The following MYRIP variants were observed in gnomAD, a reference collection of about 807,000 sequenced individuals.
The protein encoded by MYRIP is myosin VIIA and Rab interacting protein.
A neutral mutation model predicts 98.0 loss-of-function variants in MYRIP; 49 were observed. The ratio of observed to expected loss-of-function variants is 0.50; its 90% CI spans 0.40 to 0.63. The LOEUF (loss-of-function observed/expected upper bound fraction) is 0.63. Ranked by LOEUF, MYRIP falls within the 30% of genes least tolerant of loss-of-function variation. MYRIP has a pLI of 0.00. For synonymous variants in MYRIP, 404 were observed against 409.5 expected (o/e 0.99, Z 0.16); for missense variants, 1,004 against 1,058.2 (o/e 0.95, Z 0.71).
chr3:40,139,357 T>C (rs377740524), intron 3 of MYRIP, among the ~76,000 whole-genome samples: 6 of 152,324 alleles, frequency 3.9e-5, no homozygotes, highest in African/African-American at 1.4e-4. Flanking sequence ...ACAGTCAAGA[T>C]ACAGAACATT....
rs1461159626 is a variant in MYRIP at position 40,259,579 on chromosome 3, A to AT, written c.*1413_*1414insT. On this transcript the variant is annotated 3_prime_UTR_variant, in exon 17 of 17. Transcript: ENST00000302541. ...AATTATGATTGGAATGCATCACAAA[A>AT]GCCTAACTCTGTTGTTTTCAACCTC... is the stretch of plus-strand genomic sequence containing the variant. The AT allele has an allele frequency of 6.6e-6, 1 of 152,192 alleles. No individual in the cohort carries two copies. The highest frequency in any genetic ancestry group is 2.4e-5 in the African/African-American group (1 of 41,454). The allele number at this position is 152,192 out of a possible 1,614,324, so 9.4% of individuals were successfully genotyped here. A position where few individuals can be genotyped will look rare whatever the true frequency, so the allele number is the denominator to read the frequency against.
chr3:40,098,740 T>TTGTATGTGTGTG (rs1948880276), intron 3 of MYRIP, among the ~76,000 whole-genome samples: 1 of 135,188 alleles, frequency 7.4e-6, no homozygotes, highest in South Asian at 2.5e-4. Flanking sequence ...GTCTCTCTCA[T>TTGTATGTGTGTG]TGTGTGTGTG....
chr3:40,230,899 C>T (rs1325320418), intron 11 of MYRIP, among the ~76,000 whole-genome samples: 1 of 151,280 alleles, frequency 6.6e-6, no homozygotes, highest in Non-Finnish European at 1.5e-5. Flanking sequence ...GGTCTCAGCT[C>T]ACTGCAACCT....
intron 3 of MYRIP, among the ~76,000 whole-genome samples, chr3:40,109,539 A>G (rs944400120): frequency 4.6e-5 from 7 of 152,202 alleles, no homozygotes; most frequent in Non-Finnish European, 1.0e-4. Context: ...AATCCCAGCT[A>G]CTTGGGAGGC....
intron 10 of MYRIP, among the ~76,000 whole-genome samples, chr3:40,203,613 G>A (rs2125650603): frequency 6.9e-6 from 1 of 144,090 alleles, no homozygotes; most frequent in South Asian, 2.1e-4. Flanking sequence ...TTAAAGATAT[G>A]ACTTTCTGTT....
At chr3:39,997,554 C>A (rs773123772) in intron 2 of MYRIP, among the ~76,000 whole-genome samples, 1 of 152,054 alleles carries the variant, frequency 6.6e-6, no homozygotes, top group Non-Finnish European at 1.5e-5. Context: ...AGCTTACCAA[C>A]CAAAAAAAGT....
intron 2 of MYRIP, among the ~76,000 whole-genome samples, chr3:39,950,944 G>A (rs191640141): frequency 7.3e-4 from 111 of 152,186 alleles, no homozygotes; most frequent in African/African-American, 2.4e-3. Flanking sequence ...TTCAGGTTTA[G>A]TGCTCTTTGC....
chr3:40,222,296 C>CA (rs1328813882), intron 11 of MYRIP, among the ~76,000 whole-genome samples: 3 of 152,102 alleles, frequency 2.0e-5, no homozygotes, highest in Non-Finnish European at 4.4e-5. Context: ...GGCAACTTGT[C>CA]AGATTGTTGC....
chr3:39,916,408 C>CA (rs34541190), intron 2 of MYRIP, among the ~76,000 whole-genome samples: 34,357 of 143,382 alleles, frequency 0.24, 3,960 homozygotes, highest in Middle Eastern at 0.3. Context: ...ATATTGAGAA[C>CA]AAAAAAAAAA....
At chr3:40,185,637 T>A (rs779253308) in intron 9 of MYRIP, among the ~76,000 whole-genome samples, 1 of 152,070 alleles carries the variant, frequency 6.6e-6, no homozygotes, top group Non-Finnish European at 1.5e-5. Context: ...GAGGGAAAAT[T>A]TGGTCAACTT....
chr3:40,040,981 TA>T lies in MYRIP; in HGVS notation c.111-3057del, dbSNP rs201195237. On this transcript the variant is annotated intron_variant, in intron 2 of 16. Coordinates refer to ENST00000302541, the MANE Select transcript of MYRIP (RefSeq NM_015460.4). Reference sequence around the variant, plus strand: ...ATGTACCCTAAAACTTAGAGTATAATAAAAAAAAAAAAGAAAAAAAAAAAGA... The same window carrying T: ...ATGTACCCTAAAACTTAGAGTATAATAAAAAAAAAAAGAAAAAAAAAAAGA... Among the ~76,000 whole-genome samples the T allele has an allele frequency of 2.4e-3, 71 of 29,574 alleles. 1 individual carries two copies. The highest frequency in any genetic ancestry group is 7.6e-3 in the South Asian group (6 of 792). The allele number at this position is 29,574 out of a possible 152,430, so 19.4% of individuals were successfully genotyped here.
At chr3:40,178,889 T>C (rs1380852139) in intron 8 of MYRIP, among the ~76,000 whole-genome samples, 1 of 152,166 alleles carries the variant, frequency 6.6e-6, no homozygotes, top group Non-Finnish European at 1.5e-5. Context: ...GCTGATGTGC[T>C]AACATTCCTG....
intron 11 of MYRIP, among the ~76,000 whole-genome samples, chr3:40,233,538 C>A (rs188236054): frequency 6.6e-6 from 1 of 152,232 alleles, no homozygotes; most frequent in East Asian, 1.9e-4. Context: ...TATTATTCAG[C>A]AAATAAGGTC....
At chr3:39,974,681 C>T (rs991119778) in intron 2 of MYRIP, among the ~76,000 whole-genome samples, 1 of 152,168 alleles carries the variant, frequency 6.6e-6, no homozygotes, top group Non-Finnish European at 1.5e-5. Context: ...TCCAGCAGCA[C>T]ATCAAGAAAC....
chr3:39,853,013 C>T (rs1435531839), intron 1 of MYRIP, among the ~76,000 whole-genome samples: 1 of 152,186 alleles, frequency 6.6e-6, no homozygotes, highest in African/African-American at 2.4e-5. Context: ...AACTCCTGAC[C>T]TCAAGTGATC....
chr3:40,033,004 T>C (rs1412553936), intron 2 of MYRIP, among the ~76,000 whole-genome samples: 2 of 151,766 alleles, frequency 1.3e-5, no homozygotes, highest in Admixed American at 6.6e-5. Context: ...AAAAGGCCTT[T>C]GAAAAAATTC....
chr3:40,147,258 G>A (rs928315774), intron 3 of MYRIP, among the ~76,000 whole-genome samples: 2 of 151,914 alleles, frequency 1.3e-5, no homozygotes, highest in East Asian at 3.9e-4. Context: ...CATTATCTTT[G>A]GTATATATAC....
intron 3 of MYRIP, among the ~76,000 whole-genome samples, chr3:40,125,462 A>T (rs1949507815): frequency 6.6e-6 from 1 of 152,160 alleles, no homozygotes; most frequent in Non-Finnish European, 1.5e-5. Context: ...CTGGCCTCTG[A>T]TTAGATTGTG....
chr3:39,973,757 C>T (rs187500043), intron 2 of MYRIP, among the ~76,000 whole-genome samples: 11 of 152,230 alleles, frequency 7.2e-5, no homozygotes, highest in South Asian at 2.1e-4. Flanking sequence ...CATTCAAAAC[C>T]GCCCAACTAC....
Sources: allele counts gnomAD v4.1 joint callset (sites outside exome capture counted in the v4.1 genomes callset), GRCh38; gene constraint gnomAD v4.1.1; transcripts MANE v1.5; gene names NCBI Gene and HGNC (gene_info 2026-07-23, HGNC 2026-07-21).